LAIR1: variants seen among roughly 807,000 people sequenced by gnomAD.
LAIR1 encodes the protein leukocyte associated immunoglobulin like receptor 1.
LAIR1 carries 24 observed loss-of-function variants against 32.8 expected under a neutral mutation model. The ratio of observed to expected loss-of-function variants is 0.73; its 90% CI spans 0.53 to 1.03. LAIR1 has a LOEUF of 1.03. Among genes scored for constraint, LAIR1 ranks in the 50% least tolerant of loss-of-function variants. LAIR1 has a pLI of 0.00. For missense variants in LAIR1, 355 were observed against 347.5 expected, an observed-to-expected ratio of 1.02 and a Z score of -0.17; for synonymous variants, 150 against 140.5, an observed-to-expected ratio of 1.07 and a Z score of -0.48.
chr19:54,359,428 TC>T (rs1821179728), intron 4 of LAIR1, among the ~76,000 whole-genome samples: 1 of 151,764 alleles, frequency 6.6e-6, no homozygotes, highest in African/African-American at 2.4e-5. Context: ...CACAGCTACG[TC>T]CCCTCCCTGT....
At chr19:54,365,171 G>T, upstream of LAIR1, 1 of 651,324 alleles carries the variant, frequency 1.5e-6, no homozygotes, top group Non-Finnish European at 2.0e-6. Context: ...GTTAACGGTC[G>T]CAGCTCTTGG....
At position 54,356,014 on chromosome 19, in the gene LAIR1, A is replaced by G. The variant is rs745389194; in HGVS notation, c.665-8T>C. The G allele has an allele frequency of 1.1e-5, 17 of 1,606,112 alleles. No individual in the cohort carries two copies. In the East Asian group the frequency reaches 3.1e-4, roughly 29 times the overall value. Reference sequence around the variant, plus strand: ...CATTGACTGTGGCCTTGTCTTGGGGAGAAAATACATGGTCAGTTTTCTGGG... The same window carrying G: ...CATTGACTGTGGCCTTGTCTTGGGGGGAAAATACATGGTCAGTTTTCTGGG... On this transcript the variant is annotated splice_polypyrimidine_tract_variant and splice_region_variant and intron_variant, in intron 8 of 9. Coordinates refer to ENST00000391742, the MANE Select transcript of LAIR1 (RefSeq NM_002287.6).
rs557505054 is a variant in LAIR1 at position 54,353,056 on chromosome 19, G to C, written c.*2212C>G. On this transcript the variant is annotated 3_prime_UTR_variant, in exon 10 of 10. Coordinates refer to ENST00000391742, the MANE Select transcript of LAIR1 (RefSeq NM_002287.6). ...CATGCCTGTAATCCCAGCTGCTCAG[G>C]AGGCTGAGGCAGGAGAATCGCTTGA... 6.6e-6 allele frequency: 1 copy of C among 152,374 alleles called. No homozygotes were observed. The highest frequency in any genetic ancestry group is 1.5e-5 in the Non-Finnish European group (1 of 68,152). 9.4% of individuals were successfully genotyped at this position (152,374 alleles called of 1,614,324 possible).
In LAIR1 at chr19:54,361,193, G is replaced by A. The variant is rs148010708; in HGVS notation, c.87C>T (p.Pro29=). 565 of 1,614,180 alleles carry A rather than the reference G, an allele frequency of 3.5e-4. 4 individuals are homozygous for A. The African/African-American group carries it at 6.4e-3, about 18-fold the overall frequency. ...CGGTGCCTGGCTCAGCCGAGATGGAGGGTCTGGGCAGATCTTCTAGGAGGG... is the reference window on the plus strand; with the variant it reads ...CGGTGCCTGGCTCAGCCGAGATGGAAGGTCTGGGCAGATCTTCTAGGAGGG... ...IHTQEEDLPR[P]SISAEPGTVI... Residue 29 remains proline (P), a synonymous_variant, in exon 3 of 10, where the codon CCC becomes CCT. Coordinates refer to ENST00000391742, the MANE Select transcript of LAIR1 (RefSeq NM_002287.6).
Position 54,356,247 on chromosome 19 carries a change from ACATCAACAGC to A in LAIR1, c.637_646del (p.Ala213PhefsTer2), listed in dbSNP as rs1322573037. On this transcript the variant is annotated frameshift_variant, in exon 8 of 10. Coordinates refer to ENST00000391742, the MANE Select transcript of LAIR1 (RefSeq NM_002287.6). LOFTEE classifies it high-confidence loss of function. ...CCCTTTACCTGCTGTCCTCTCTAGA[ACATCAACAGC>A]CAGGTCAGGCCTAAGAGGAAAAATA... 9 of 1,613,262 alleles carry A rather than the reference ACATCAACAGC, an allele frequency of 5.6e-6. No individual in the cohort carries two copies. The highest frequency in any genetic ancestry group is 2.7e-5 in the African/African-American group (2 of 74,682).
chr19:54,361,075 T>G lies in LAIR1; in HGVS notation c.205A>C (p.Asn69His). 6.2e-7 allele frequency: 1 copy of G among 1,614,204 alleles called. No individual in the cohort carries two copies. Among genetic ancestry groups the G allele is most frequent in the Non-Finnish European group, 8.5e-7 (1 of 1,180,034 alleles). The stretch of plus-strand genomic sequence containing the variant: ...GCTTGAGACACATCTTCAGTATCAT[T>G]GTATGTGGATCTACTGTCCCTCTCC... ...RLERDSRSTY[N>H]DTEDVSQASP... Residue 69 changes from asparagine (N) to histidine (H), a missense_variant, in exon 3 of 10, where the codon AAT becomes CAT. Asn to His is a moderately conservative substitution (Grantham distance 68, BLOSUM62 1). Coordinates refer to ENST00000391742, the MANE Select transcript of LAIR1 (RefSeq NM_002287.6).
At position 54,355,039 on chromosome 19, in the gene LAIR1, G is replaced by C; in HGVS notation, c.*229C>G. Reference sequence around the variant, plus strand: ...TAGCTGGGTCTCTGGAAATAACTGAGAAACAGTCTGTCCAAGGAGCTGCTC... The same window carrying C: ...TAGCTGGGTCTCTGGAAATAACTGACAAACAGTCTGTCCAAGGAGCTGCTC... On this transcript the variant is annotated 3_prime_UTR_variant, in exon 10 of 10. Coordinates refer to ENST00000391742, the MANE Select transcript of LAIR1 (RefSeq NM_002287.6). The surrounding 1 kb of genome is among the most constrained non-coding windows in gnomAD (Gnocchi z 4.7). 1 of 418,350 alleles carries C rather than the reference G, an allele frequency of 2.4e-6. No homozygotes were observed. The highest frequency in any genetic ancestry group is 4.2e-6 in the Non-Finnish European group (1 of 236,282). 25.9% of individuals were successfully genotyped at this position (418,350 alleles called of 1,614,324 possible).
chr19:54,367,767 A>T (rs1248056848), upstream of LAIR1, among the ~76,000 whole-genome samples: 107 of 129,496 alleles, frequency 8.3e-4, no homozygotes, highest in African/African-American at 3.1e-3. Context: ...ATTTTTTTTA[A>T]TTTTTTTTTT....
chr19:54,373,874 G>A (rs1181922957), upstream of LAIR1, among the ~76,000 whole-genome samples: 5 of 152,210 alleles, frequency 3.3e-5, no homozygotes, highest in Admixed American at 3.3e-4. Context: ...GGGCAATGGC[G>A]TCCCGTACTT....
upstream of LAIR1, among the ~76,000 whole-genome samples, chr19:54,372,540 G>A (rs2082433840): frequency 6.8e-6 from 1 of 148,066 alleles, no homozygotes; most frequent in Non-Finnish European, 1.5e-5. Flanking sequence ...ACCCAGGCTG[G>A]AGTGCAATGG....
At chr19:54,371,502 T>C (rs952340580), upstream of LAIR1, among the ~76,000 whole-genome samples, 9 of 151,290 alleles carry the variant, frequency 5.9e-5, no homozygotes, top group African/African-American at 2.2e-4. Flanking sequence ...TTTCGCCATG[T>C]TGACCAGGCT....
chr19:54,367,921 C>T (rs868356974), upstream of LAIR1, among the ~76,000 whole-genome samples: 15 of 150,300 alleles, frequency 1.0e-4, no homozygotes, highest in Middle Eastern at 3.4e-3. Flanking sequence ...TACAGGCGCC[C>T]GCCACCACGC....
chr19:54,372,167 T>C (rs975780448), upstream of LAIR1, among the ~76,000 whole-genome samples: 5 of 151,672 alleles, frequency 3.3e-5, no homozygotes, highest in South Asian at 2.1e-4. Flanking sequence ...CTGGATTACA[T>C]GGCAAAGCTA....
upstream of LAIR1, among the ~76,000 whole-genome samples, chr19:54,371,592 C>T (rs2082407043): frequency 6.6e-6 from 1 of 151,590 alleles, no homozygotes; most frequent in East Asian, 1.9e-4. Context: ...AGCTACTGTG[C>T]CCAGCCTCGT....
intron 4 of LAIR1, chr19:54,357,658 AC>A (rs1259565463): frequency 6.6e-6 from 1 of 152,290 alleles, no homozygotes; most frequent in African/African-American, 2.4e-5. Context: ...GCACGCCACT[AC>A]CCAATTCCCA....
chr19:54,351,749 G>C lies in LAIR1; in HGVS notation c.*3519C>G, dbSNP rs183882137. ...GAGGTTTGGTGTATTCATCCAGAGA[G>C]AGTGTTTTAAATGGGGCTATGACAG... On this transcript the variant is annotated 3_prime_UTR_variant, in exon 10 of 10. Coordinates refer to ENST00000391742, the MANE Select transcript of LAIR1 (RefSeq NM_002287.6). The C allele has an allele frequency of 1.2e-4, 18 of 144,882 alleles. No individual in the cohort carries two copies. Among genetic ancestry groups the C allele is most frequent in the Non-Finnish European group, 1.4e-4 (9 of 66,570 alleles). The allele number at this position is 144,882 out of a possible 1,614,324, so 9.0% of individuals were successfully genotyped here.
chr19:54,364,357 A>G lies in LAIR1; in HGVS notation c.35-27T>C, dbSNP rs768738395. ...TGGAAGAGAAGCCCCAGTGAGAAAAATGCCCAGTGCCCAGTCTCCTTACGG... is the reference window on the plus strand; with the variant it reads ...TGGAAGAGAAGCCCCAGTGAGAAAAGTGCCCAGTGCCCAGTCTCCTTACGG... On this transcript the variant is annotated intron_variant, in intron 1 of 9. Coordinates refer to ENST00000391742, the MANE Select transcript of LAIR1 (RefSeq NM_002287.6). This position sits in a 1 kb window ranked among gnomAD's most constrained non-coding sequence, Gnocchi z 4.8. 2.5e-6 allele frequency: 4 copies of G among 1,613,858 alleles called. No individual in the cohort carries two copies. In the South Asian group the frequency reaches 4.4e-5, roughly 18 times the overall value.
At chr19:54,372,188 T>C (rs1050516036), upstream of LAIR1, among the ~76,000 whole-genome samples, 1 of 151,668 alleles carries the variant, frequency 6.6e-6, no homozygotes, top group African/African-American at 2.4e-5. Context: ...TATTTAGTTT[T>C]AGAAGAAATT....
chr19:54,361,079 T>C lies in LAIR1; in HGVS notation c.201A>G (p.Thr67=), dbSNP rs764907770. 1.2e-6 allele frequency: 2 copies of C among 1,614,212 alleles called. No homozygotes were observed. Among genetic ancestry groups the C allele is most frequent in the Admixed American group, 1.7e-5 (1 of 60,018 alleles). The change falls in exon 3 of 10, where the codon ACA becomes ACG. Residue 67 remains threonine (T), a synonymous_variant. Transcript: ENST00000391742. ...GAGACACATCTTCAGTATCATTGTATGTGGATCTACTGTCCCTCTCCAGGC... is the reference window on the plus strand; with the variant it reads ...GAGACACATCTTCAGTATCATTGTACGTGGATCTACTGTCCCTCTCCAGGC... ...TFRLERDSRS[T]YNDTEDVSQA... is the part of the protein sequence containing the mutation.
Sources: allele counts gnomAD v4.1 joint callset (sites outside exome capture counted in the v4.1 genomes callset), GRCh38; gene constraint gnomAD v4.1.1; non-coding constraint Gnocchi (gnomAD v3.1); transcripts MANE v1.5; gene names NCBI Gene and HGNC (gene_info 2026-07-23, HGNC 2026-07-21).